YBEY: variants seen among roughly 807,000 people sequenced by gnomAD.
The protein encoded by YBEY is endoribonuclease YbeY.
In YBEY, 15 loss-of-function variants were observed where a neutral mutation model predicts 13.5. The ratio of observed to expected loss-of-function variants is 1.11; its 90% CI spans 0.75 to 1.72. The LOEUF is 1.72. Among genes scored for constraint, YBEY ranks in the 40% most tolerant of loss-of-function variants. The pLI, the probability that YBEY is intolerant of heterozygous loss-of-function variation, is 0.00. For missense variants in YBEY, 244 were observed against 208.4 expected, an observed-to-expected ratio of 1.17 and a Z score of -1.05; for synonymous variants, 101 against 83.1, an observed-to-expected ratio of 1.21 and a Z score of -1.17.
chr21:46,302,371 T>C (rs1015264507), downstream of YBEY: 1 of 1,085,692 alleles, frequency 9.2e-7, no homozygotes, highest in South Asian at 1.5e-5. Context: ...AGCCAGACTG[T>C]AGACCTGAGC....
downstream of YBEY, chr21:46,302,378 G>A: frequency 9.1e-7 from 1 of 1,098,054 alleles, no homozygotes; most frequent in Non-Finnish European, 1.3e-6. Flanking sequence ...CTGTAGACCT[G>A]AGCCAGGAAT....
At chr21:46,302,394 T>G, downstream of YBEY, 1 of 1,152,092 alleles carries the variant, frequency 8.7e-7, no homozygotes, top group Non-Finnish European at 1.3e-6. Flanking sequence ...GGAATGCCCT[T>G]TCAGAGCTAC....
At chr21:46,297,834 G>A (rs1026599796), downstream of YBEY, 13 of 1,170,426 alleles carry the variant, frequency 1.1e-5, no homozygotes, top group Non-Finnish European at 1.4e-5. Context: ...TTCAGGGAAC[G>A]CGTGGCCCCC....
At chr21:46,307,302 G>C in the YBEY span, among the ~76,000 whole-genome samples, 2 of 152,150 alleles carry the variant, frequency 1.3e-5, no homozygotes, top group Non-Finnish European at 2.9e-5. Flanking sequence ...ATGAGCCACT[G>C]TGCTGGCCGT....
chr21:46,294,310 G>A (rs868708707), intron 3 of YBEY, among the ~76,000 whole-genome samples: 7 of 78,046 alleles, frequency 9.0e-5, no homozygotes, highest in African/African-American at 1.9e-4. Context: ...ACCCGTGCCC[G>A]GGACTCAGTG....
chr21:46,303,739 ATATATATTTTTTTTT>A, the YBEY span, among the ~76,000 whole-genome samples: 5 of 28,228 alleles, frequency 1.8e-4, no homozygotes, highest in African/African-American at 8.7e-4. Flanking sequence ...ATATATATAT[ATATATATTTTTTTTT>A]TTTTTTTTTT....
chr21:46,299,329 A>G (rs2082052264), downstream of YBEY, among the ~76,000 whole-genome samples: 1 of 152,060 alleles, frequency 6.6e-6, no homozygotes, highest in Non-Finnish European at 1.5e-5. Context: ...TCTGAGGAAG[A>G]GCCGCCCGTG....
intron 4 of YBEY, among the ~76,000 whole-genome samples, chr21:46,297,071 G>A (rs1402029566): frequency 6.6e-6 from 1 of 152,156 alleles, no homozygotes. Flanking sequence ...GGCCGAGGAG[G>A]GTGGATCACT....
In YBEY at chr21:46,297,586, G is replaced by C. The variant is rs2081995877; in HGVS notation, c.456G>C (p.Thr152=). Residue 152 remains threonine (T), a synonymous_variant, in exon 5 of 5, where the codon ACG becomes ACC. Coordinates refer to ENST00000397701, the MANE Select transcript of YBEY (RefSeq NM_001314025.2). ...TGCTGGACGAGCTGGGCCGACGCAC[G>C]GGGACCCGGCTGCAGCCCCTGACCC... The part of the protein sequence containing the change: ...KAVLDELGRR[T]GTRLQPLTRG... 3 of 1,386,772 alleles carry C rather than the reference G, an allele frequency of 2.2e-6. No individual in the cohort carries two copies. The highest frequency in any genetic ancestry group is 3.2e-5 in the South Asian group (2 of 61,620). 85.9% of individuals were successfully genotyped at this position (1,386,772 alleles called of 1,614,324 possible). A position where few individuals can be genotyped will look rare whatever the true frequency, so the allele number is the denominator to read the frequency against.
chr21:46,308,988 C>G, the YBEY span, among the ~76,000 whole-genome samples: 16 of 152,278 alleles, frequency 1.1e-4, no homozygotes, highest in East Asian at 1.4e-3. Flanking sequence ...TCCCCAGTCT[C>G]TATAACTGTA....
chr21:46,303,702 AC>A, the YBEY span, among the ~76,000 whole-genome samples: 1,017 of 71,282 alleles, frequency 0.014, 47 homozygotes, highest in Non-Finnish European at 0.024. Context: ...ACACACACAC[AC>A]ACAAAATATA....
At chr21:46,300,780 A>G (rs1289270038), downstream of YBEY, 1 of 1,289,550 alleles carries the variant, frequency 7.8e-7, no homozygotes, top group Non-Finnish European at 1.0e-6. Context: ...AACTTCAGGA[A>G]TGAAAGAATC....
At chr21:46,305,495 A>G in the YBEY span, among the ~76,000 whole-genome samples, 2 of 151,772 alleles carry the variant, frequency 1.3e-5, no homozygotes, top group African/African-American at 4.8e-5. Context: ...ATACCCAACT[A>G]ATTTTGATAT....
At chr21:46,286,577 CTCCCCGCACCCCGCCGCG>C (rs1172210693) in intron 1 of YBEY, 162 bp downstream of exon 1, 1 of 197,332 alleles carries the variant, frequency 5.1e-6, no homozygotes, top group African/African-American at 2.4e-5. Flanking sequence ...GCCGTTGCCC[CTCCCCGCACCCCGCCGCG>C]TCCGCGCGCC....
chr21:46,294,758 CA>C (rs200581418), intron 3 of YBEY, among the ~76,000 whole-genome samples: 1,083 of 97,120 alleles, frequency 0.011, 53 homozygotes, highest in African/African-American at 0.033. Context: ...AGCTTGATGC[CA>C]AAAAAAAAAA....
At chr21:46,298,195 A>G (rs1041199460), downstream of YBEY, among the ~76,000 whole-genome samples, 7 of 152,236 alleles carry the variant, frequency 4.6e-5, no homozygotes, top group South Asian at 4.2e-4. Flanking sequence ...GGCTACTACA[A>G]TTCTGCTCAT....
rs535767367 is a variant in YBEY at position 46,295,473 on chromosome 21, G to A, written c.340-689G>A. On this transcript the variant is annotated intron_variant, in intron 3 of 4. Transcript: ENST00000397701. ...GTGCTGTGCCTGCTCAGGGTCCACA[G>A]GCCCTCCCTCCTCTTCCTCCTCCTC... Among the ~76,000 whole-genome samples the A allele has an allele frequency of 3.3e-5, 5 of 152,094 alleles. No individual in the cohort carries two copies. The South Asian group carries it at 1.0e-3, about 32-fold the overall frequency.
chr21:46,307,793 G>C, the YBEY span, among the ~76,000 whole-genome samples: 2 of 152,132 alleles, frequency 1.3e-5, no homozygotes, highest in African/African-American at 4.8e-5. Context: ...ACACACGTCT[G>C]CCCCTAGACT....
At chr21:46,302,165 C>T (rs1033303871), downstream of YBEY, 40 of 1,468,372 alleles carry the variant, frequency 2.7e-5, no homozygotes, top group Admixed American at 1.9e-4. Flanking sequence ...CTGCCACAGA[C>T]GCACCTGCTG....
Sources: gnomAD v4.1 joint callset for allele counts (sites outside exome capture counted in the v4.1 genomes callset) on GRCh38, gnomAD v4.1.1 for gene constraint, MANE v1.5 for transcripts, NCBI Gene and HGNC (gene_info 2026-07-23, HGNC 2026-07-21) for gene names.